AJAP1: variants seen among roughly 807,000 people sequenced by gnomAD.
AJAP1 encodes adherens junction-associated protein 1.
In AJAP1, 5 loss-of-function variants were observed where a neutral mutation model predicts 35.0. That is an observed-to-expected ratio of 0.14 (90% CI 0.07 to 0.30). The LOEUF (loss-of-function observed/expected upper bound fraction) is 0.30. Among genes scored for constraint, AJAP1 ranks in the 10% least tolerant of loss-of-function variants. AJAP1 has a pLI of 1.00. For synonymous variants in AJAP1, 284 were observed against 249.3 expected (o/e 1.14, Z -1.31); for missense variants, 586 against 571.0 (o/e 1.03, Z -0.27).
At chr1:4,767,401 G>T (rs369934476) in intron 2 of AJAP1, among the ~76,000 whole-genome samples, 1 of 135,546 alleles carries the variant, frequency 7.4e-6, no homozygotes, top group Admixed American at 7.2e-5. Flanking sequence ...CATCATCATC[G>T]TTACCACCAC....
At chr1:4,719,313 C>T (rs1360075191) in intron 2 of AJAP1, among the ~76,000 whole-genome samples, 1 of 152,136 alleles carries the variant, frequency 6.6e-6, no homozygotes, top group Non-Finnish European at 1.5e-5. Context: ...GGCCCCTCCT[C>T]CTCTTTTCAA....
chr1:4,733,787 T>C (rs1470516355), intron 2 of AJAP1, among the ~76,000 whole-genome samples: 1 of 152,134 alleles, frequency 6.6e-6, no homozygotes, highest in Non-Finnish European at 1.5e-5. Context: ...TGACTTGTGC[T>C]ATTTCCCAGA....
chr1:4,709,870 T>C (rs1253280406), intron 1 of AJAP1, among the ~76,000 whole-genome samples: 1 of 152,138 alleles, frequency 6.6e-6, no homozygotes. Context: ...TCCTTTTTGG[T>C]AATTAGCACT....
At chr1:4,688,829 A>G (rs1486782482) in intron 1 of AJAP1, among the ~76,000 whole-genome samples, 2 of 150,666 alleles carry the variant, frequency 1.3e-5, no homozygotes, top group Non-Finnish European at 2.9e-5. Context: ...TTTCCTTGCC[A>G]TGGCGATGAC....
intron 1 of AJAP1, among the ~76,000 whole-genome samples, chr1:4,704,250 G>T (rs1162265751): frequency 2.0e-5 from 3 of 150,710 alleles, no homozygotes; most frequent in Non-Finnish European, 4.4e-5. Context: ...CTGGTGTGCT[G>T]CACCCATTAA....
chr1:4,679,258 A>G (rs10799257), intron 1 of AJAP1, among the ~76,000 whole-genome samples: 1 of 151,856 alleles, frequency 6.6e-6, no homozygotes, highest in Non-Finnish European at 1.5e-5. Context: ...TACACATTGG[A>G]TTCTCTCCTG....
chr1:4,705,308 ATTC>A (rs1640076544), intron 1 of AJAP1, among the ~76,000 whole-genome samples: 1 of 149,702 alleles, frequency 6.7e-6, no homozygotes, highest in Non-Finnish European at 1.5e-5. Context: ...AGGCATTACC[ATTC>A]AGGACATAGG....
intron 1 of AJAP1, among the ~76,000 whole-genome samples, chr1:4,674,042 C>CAA (rs57335438): frequency 0.056 from 4,472 of 80,308 alleles, 100 homozygotes; most frequent in African/African-American, 0.087. Flanking sequence ...CCCCCGCCAC[C>CAA]AAAAAAAAAA....
Position 4,769,853 on chromosome 1 carries a change from G to A in AJAP1, c.830G>A (p.Gly277Asp), listed in dbSNP as rs1641795829. The change falls in exon 3 of 6, where the codon GGT becomes GAT. Residue 277 changes from glycine (G) to aspartate (D), a missense_variant and splice_region_variant. Physicochemically the swap from Gly to Asp is moderately conservative, Grantham distance 94 (BLOSUM62 -1). Transcript: ENST00000378191. ...QPPRILGEAS[G>D]LAVHQIITIT... is the part of the protein sequence containing the mutation. Reference sequence around the variant, plus strand: ...CTCTTCCCTCTTTCCTTCTTTCCAGGTCTGGCTGTCCATCAGATCATCACC... The same window carrying A: ...CTCTTCCCTCTTTCCTTCTTTCCAGATCTGGCTGTCCATCAGATCATCACC... 1 of 1,613,572 alleles carries A rather than the reference G, an allele frequency of 6.2e-7. No homozygotes were observed. The highest frequency in any genetic ancestry group is 1.3e-5 in the African/African-American group (1 of 74,978).
In AJAP1 at chr1:4,732,684, G is replaced by A. The variant is rs938543776; in HGVS notation, c.829+19985G>A. The stretch of plus-strand genomic sequence containing the variant: ...TTCACAGCAACGCAGGAGTGAGGGA[G>A]TGAGGGTGAACCCCTGGCCCTTCCG... On this transcript the variant is annotated intron_variant, in intron 2 of 5. Transcript: ENST00000378191. Among the ~76,000 whole-genome samples, 5 of 152,264 alleles carry A rather than the reference G, an allele frequency of 3.3e-5. No individual in the cohort carries two copies. The East Asian group carries it at 9.6e-4, about 29-fold the overall frequency.
chr1:4,706,124 G>A (rs574410098), intron 1 of AJAP1, among the ~76,000 whole-genome samples: 1 of 152,178 alleles, frequency 6.6e-6, no homozygotes, highest in Admixed American at 6.5e-5. Context: ...GGGGACCGAG[G>A]GGTAGACCCT....
chr1:4,699,410 AC>A (rs1187471733), intron 1 of AJAP1, among the ~76,000 whole-genome samples: 2 of 152,226 alleles, frequency 1.3e-5, no homozygotes, highest in African/African-American at 4.8e-5. Context: ...TTTCGTAAAT[AC>A]CAACATAACA....
At chr1:4,754,637 C>T (rs1424386348) in intron 2 of AJAP1, among the ~76,000 whole-genome samples, 1 of 152,212 alleles carries the variant, frequency 6.6e-6, no homozygotes, top group African/African-American at 2.4e-5. Context: ...TCTGATTTTC[C>T]AGACTGAAAC....
chr1:4,660,310 G>A (rs1012491151), intron 1 of AJAP1, among the ~76,000 whole-genome samples: 7 of 152,206 alleles, frequency 4.6e-5, no homozygotes, highest in African/African-American at 1.2e-4. Flanking sequence ...GTTGCCAGGG[G>A]TCAAAGAAGG....
At chr1:4,764,125 C>G (rs969176410) in intron 2 of AJAP1, among the ~76,000 whole-genome samples, 8 of 152,082 alleles carry the variant, frequency 5.3e-5, no homozygotes, top group African/African-American at 1.9e-4. Context: ...GATTTTTCGG[C>G]CTTCATAATC....
At chr1:4,683,583 G>C (rs920921135) in intron 1 of AJAP1, among the ~76,000 whole-genome samples, 10 of 152,204 alleles carry the variant, frequency 6.6e-5, no homozygotes, top group African/African-American at 2.4e-4. Flanking sequence ...TGTAGGCAAG[G>C]AATTTCTACG....
rs1642160554 is a variant in AJAP1, at chr1:4,786,307, G to A, written c.*3822G>A. ...TCCTTGCCAATCTTGAACTTGAGTG[G>A]ACTTCTCATATTACATTCAGCTCCC... On this transcript the variant is annotated 3_prime_UTR_variant, in exon 6 of 6. Transcript: ENST00000378191. 6.6e-6 allele frequency: 1 copy of A among 152,076 alleles called. No individual in the cohort carries two copies. Among genetic ancestry groups the A allele is most frequent in the African/African-American group, 2.4e-5 (1 of 41,402 alleles). The allele number at this position is 152,076 out of a possible 1,614,324, so 9.4% of individuals were successfully genotyped here.
chr1:4,787,963 G>C lies in AJAP1; in HGVS notation c.*5478G>C, dbSNP rs529117715. The C allele has an allele frequency of 3.0e-6, 1 of 327,950 alleles. No homozygotes were observed. Among genetic ancestry groups the C allele is most frequent in the Admixed American group, 4.4e-5 (1 of 22,768 alleles). The allele number at this position is 327,950 out of a possible 1,614,324, so 20.3% of individuals were successfully genotyped here. ...ATGTAATTTTTGAGTGGTTACTTTG[G>C]TGCAGTTTGTCAATTTGCTCTACCA... On this transcript the variant is annotated 3_prime_UTR_variant, in exon 6 of 6. Coordinates refer to ENST00000378191, the MANE Select transcript of AJAP1 (RefSeq NM_018836.4).
chr1:4,667,056 G>A (rs1639145273), intron 1 of AJAP1, among the ~76,000 whole-genome samples: 1 of 152,128 alleles, frequency 6.6e-6, no homozygotes, highest in Non-Finnish European at 1.5e-5. Context: ...TCCTGGTGGA[G>A]CAGCTTAGTT....
Sources: allele counts gnomAD v4.1 joint callset (sites outside exome capture counted in the v4.1 genomes callset), GRCh38; gene constraint gnomAD v4.1.1; transcripts MANE v1.5; gene names NCBI Gene and HGNC (gene_info 2026-07-23, HGNC 2026-07-21).